EPM2A: variants seen among roughly 807,000 people sequenced by gnomAD.
EPM2A encodes the protein EPM2A glucan phosphatase, laforin, also known as laforin.
Under a neutral mutation model 26.5 loss-of-function variants are expected in EPM2A, and 21 were observed. The ratio of observed to expected loss-of-function variants is 0.79; its 90% CI spans 0.56 to 1.14. The LOEUF (loss-of-function observed/expected upper bound fraction) is 1.14. Among genes scored for constraint, EPM2A ranks in the 50% most tolerant of loss-of-function variants. The pLI, the probability that EPM2A is intolerant of heterozygous loss-of-function variation, is 0.00. For synonymous variants in EPM2A, 217 were observed against 177.6 expected (o/e 1.22, Z -1.76); for missense variants, 458 against 440.8 (o/e 1.04, Z -0.35).
intron 4 of EPM2A, among the ~76,000 whole-genome samples, chr6:145,419,452 A>G (rs533660574): frequency 6.6e-6 from 1 of 152,296 alleles, no homozygotes; most frequent in South Asian, 2.1e-4. Flanking sequence ...AGAAACAGAA[A>G]TCAAATCTCA....
rs190143948 is a variant in EPM2A, at chr6:145,466,762, A to G, written c.555+35760T>C. On this transcript the variant is annotated intron_variant, in intron 4 of 4. Coordinates refer to the EPM2A transcript ENST00000638717. The stretch of plus-strand genomic sequence containing the variant: ...CCAACCCAAATGTCCAACAATGATA[A>G]ACTGGATTAAGAAAATGTGGCATAT... Among the ~76,000 whole-genome samples, 699 of 152,208 alleles carry G rather than the reference A, an allele frequency of 4.6e-3. 22 individuals carry two copies. The East Asian group carries it at 0.083, about 18-fold the overall frequency.
intron 2 of EPM2A, among the ~76,000 whole-genome samples, chr6:145,680,658 T>C (rs1482448030): frequency 6.6e-6 from 1 of 152,196 alleles, no homozygotes; most frequent in Non-Finnish European, 1.5e-5. Context: ...TTTTTGTCCT[T>C]GTGATACTTT....
chr6:145,625,540 T>C lies in EPM2A; in HGVS notation c.*1876A>G, dbSNP rs559457614. Reference sequence around the variant, plus strand: ...CATTAAAGAAATTCACAGACCCACATAGTTTAAAAATTTAATTTTTAAGAT... The same window carrying C: ...CATTAAAGAAATTCACAGACCCACACAGTTTAAAAATTTAATTTTTAAGAT... On this transcript the variant is annotated 3_prime_UTR_variant, in exon 4 of 4. Coordinates refer to ENST00000367519, the MANE Select transcript of EPM2A (RefSeq NM_005670.4). The C allele has an allele frequency of 8.1e-6, 5 of 616,162 alleles. No homozygotes were observed. The highest frequency in any genetic ancestry group is 2.8e-5 in the East Asian group (1 of 36,094). The allele number at this position is 616,162 out of a possible 1,614,324, so 38.2% of individuals were successfully genotyped here.
intron 4 of EPM2A, among the ~76,000 whole-genome samples, chr6:145,429,355 T>G (rs1778892021): frequency 6.6e-6 from 1 of 152,196 alleles, no homozygotes; most frequent in Non-Finnish European, 1.5e-5. Context: ...GTTTTCTTCT[T>G]AAAAGCAAGG....
intron 4 of EPM2A, among the ~76,000 whole-genome samples, chr6:145,425,742 A>T (rs1200488172): frequency 6.6e-6 from 1 of 152,094 alleles, no homozygotes; most frequent in Admixed American, 6.6e-5. Flanking sequence ...CTTCTGAGGT[A>T]CTTGCTCTTT....
intron 4 of EPM2A, among the ~76,000 whole-genome samples, chr6:145,479,227 A>T (rs1204229098): frequency 6.8e-6 from 1 of 147,558 alleles, no homozygotes; most frequent in Non-Finnish European, 1.5e-5. Flanking sequence ...ATTTTAGTAA[A>T]ATATATATAT....
chr6:145,605,780 A>G (rs1350374881), intron 2 of EPM2A, among the ~76,000 whole-genome samples: 1 of 152,188 alleles, frequency 6.6e-6, no homozygotes, highest in Non-Finnish European at 1.5e-5. Context: ...AATCAAAAAT[A>G]AAAATAATTC....
At chr6:145,678,854 G>T (rs1188094736) in intron 2 of EPM2A, among the ~76,000 whole-genome samples, 1 of 152,102 alleles carries the variant, frequency 6.6e-6, no homozygotes, top group African/African-American at 2.4e-5. Context: ...ATCCCTCAAG[G>T]ATCTAGAACT....
intron 2 of EPM2A, among the ~76,000 whole-genome samples, chr6:145,598,738 G>T (rs781625791): frequency 6.6e-6 from 1 of 152,036 alleles, no homozygotes; most frequent in Non-Finnish European, 1.5e-5. Context: ...TATAATTTTG[G>T]CTTTTACAAT....
At chr6:145,726,125 G>C (rs1157905710) in intron 1 of EPM2A, among the ~76,000 whole-genome samples, 1 of 151,940 alleles carries the variant, frequency 6.6e-6, no homozygotes, top group Non-Finnish European at 1.5e-5. Context: ...TGTAGTGCCA[G>C]AAAGTAAGGA....
chr6:145,641,016 C>G (rs573396461), intron 2 of EPM2A: 5 of 152,242 alleles, frequency 3.3e-5, no homozygotes, highest in Admixed American at 1.3e-4. Context: ...ATATAGAGCA[C>G]AAGTTAATTT....
intron 2 of EPM2A, among the ~76,000 whole-genome samples, chr6:145,648,816 T>C (rs1203269931): frequency 6.6e-6 from 1 of 152,182 alleles, no homozygotes; most frequent in East Asian, 1.9e-4. Flanking sequence ...TGTTGGGGGA[T>C]TGCCTATCAG....
chr6:145,390,555 CA>C (rs1422940013), intron 4 of EPM2A, among the ~76,000 whole-genome samples: 2 of 148,352 alleles, frequency 1.3e-5, no homozygotes, highest in Admixed American at 6.8e-5. Flanking sequence ...CCATGTTGTG[CA>C]TGCACATTCT....
intron 1 of EPM2A, among the ~76,000 whole-genome samples, chr6:145,698,776 C>T (rs878896099): frequency 6.6e-6 from 1 of 151,962 alleles, no homozygotes; most frequent in Admixed American, 6.6e-5. Flanking sequence ...AAACATAGGA[C>T]CTTAATTAAG....
intron 2 of EPM2A, among the ~76,000 whole-genome samples, chr6:145,593,062 C>T (rs965269129): frequency 2.0e-5 from 3 of 151,950 alleles, no homozygotes; most frequent in Non-Finnish European, 4.4e-5. Context: ...TCAAGAAACT[C>T]ACTTTAAATA....
intron 2 of EPM2A, among the ~76,000 whole-genome samples, chr6:145,592,009 T>C (rs1177531819): frequency 6.6e-6 from 1 of 152,156 alleles, no homozygotes; most frequent in Non-Finnish European, 1.5e-5. Context: ...GCACATTTTA[T>C]TGTATTTTTT....
chr6:145,577,450 A>G lies in EPM2A; in HGVS notation c.340+57795T>C, dbSNP rs372804311. Among the ~76,000 whole-genome samples, 93 of 152,204 alleles carry G rather than the reference A, an allele frequency of 6.1e-4. 1 individual carries two copies. The East Asian group carries it at 0.014, about 23-fold the overall frequency. ...ACAAAAACTATGAAAAGAGACAAAA[A>G]AGTAATTATACAATGATAAATGGGC... is the stretch of plus-strand genomic sequence containing the variant. On this transcript the variant is annotated intron_variant, in intron 2 of 3. Transcript: ENST00000450221.
chr6:145,396,984 G>A (rs1856264), intron 4 of EPM2A, among the ~76,000 whole-genome samples: 40,151 of 152,028 alleles, frequency 0.26, 5,675 homozygotes, highest in Non-Finnish European at 0.32. Context: ...TATCATTCCA[G>A]TCCTCTGGGC....
At chr6:145,656,384 C>T (rs2128583062) in intron 2 of EPM2A, among the ~76,000 whole-genome samples, 1 of 152,320 alleles carries the variant, frequency 6.6e-6, no homozygotes, top group East Asian at 1.9e-4. Flanking sequence ...TCCAGCAGTC[C>T]ACATCCCCAC....
Sources: allele counts gnomAD v4.1 joint callset (sites outside exome capture counted in the v4.1 genomes callset), GRCh38; gene constraint gnomAD v4.1.1; transcripts MANE v1.5; gene names NCBI Gene and HGNC (gene_info 2026-07-23, HGNC 2026-07-21).